The following ANKRD18A variants were observed in gnomAD, a reference collection of about 807,000 sequenced individuals.
The protein encoded by ANKRD18A is ankyrin repeat domain 18A, also known as ankyrin repeat domain-containing protein 18A.
ANKRD18A carries 72 observed loss-of-function variants against 110.6 expected under a neutral mutation model. The observed-to-expected ratio is 0.65, with a 90% confidence interval of 0.54 to 0.79. The LOEUF (loss-of-function observed/expected upper bound fraction) is 0.79. Among genes scored for constraint, ANKRD18A ranks in the 30% least tolerant of loss-of-function variants. The probability of loss-of-function intolerance (pLI) is 0.00; values close to 1 mark genes in which losing one functional copy is unlikely to be tolerated. For missense variants in ANKRD18A, 934 were observed against 1,163.3 expected (o/e 0.80, Z 2.87); for synonymous variants, 305 against 410.3 (o/e 0.74, Z 3.10).
chr9:38,614,954 G>A (rs1211470905), intron 3 of ANKRD18A, among the ~76,000 whole-genome samples: 1 of 152,068 alleles, frequency 6.6e-6, no homozygotes, highest in African/African-American at 2.4e-5. Flanking sequence ...TTTCCTCAGA[G>A]TCCTCTAAAA....
At chr9:38,590,875 CTTA>C (rs775038846) in intron 10 of ANKRD18A, among the ~76,000 whole-genome samples, 9 of 152,114 alleles carry the variant, frequency 5.9e-5, no homozygotes, top group Non-Finnish European at 1.0e-4. Context: ...AAAGCTGCCC[CTTA>C]TTATATGTTT....
At chr9:38,570,751 T>G (rs1228774063), downstream of ANKRD18A, among the ~76,000 whole-genome samples, 1 of 152,232 alleles carries the variant, frequency 6.6e-6, no homozygotes, top group East Asian at 1.9e-4. Flanking sequence ...TGGGGGGTTT[T>G]CTTGGGCTGC....
chr9:38,610,523 C>A, intron 4 of ANKRD18A, 113 bp from the exon 5 acceptor site: 2 of 1,382,812 alleles, frequency 1.4e-6, no homozygotes, highest in East Asian at 2.5e-5. Flanking sequence ...GACATAATAA[C>A]CATTTACATG....
At chr9:38,592,228 A>T (rs192932921) in intron 10 of ANKRD18A, among the ~76,000 whole-genome samples, 1 of 152,240 alleles carries the variant, frequency 6.6e-6, no homozygotes, top group East Asian at 1.9e-4. Flanking sequence ...GGTAGGGTAT[A>T]TTTTGTTCTA....
intron 1 of ANKRD18A, among the ~76,000 whole-genome samples, chr9:38,618,031 G>T (rs566436613): frequency 6.6e-6 from 1 of 152,056 alleles, no homozygotes; most frequent in Non-Finnish European, 1.5e-5. Context: ...ACATAATAAA[G>T]TATATACATA....
chr9:38,597,846 A>G (rs1466083342), intron 8 of ANKRD18A, among the ~76,000 whole-genome samples: 2 of 152,192 alleles, frequency 1.3e-5, no homozygotes, highest in Admixed American at 6.5e-5. Context: ...CGCTACTTAT[A>G]TGATAAAATC....
Position 38,595,935 on chromosome 9 carries a change from T to C in ANKRD18A, c.1405A>G (p.Asn469Asp), listed in dbSNP as rs958538006. ...GSNISQLTDK[N>D]ELLTEQVHKA... is the part of the protein sequence containing the mutation. ...TGGACCTGTTCAGTAAGCAACTCAT[T>C]CTTATCTGTTAGTTGAGAAATATTA... The change falls in exon 9 of 16, where the codon AAT (asparagine) becomes GAT (aspartate). Residue 469 changes from asparagine to aspartate, a missense_variant. Coordinates refer to ENST00000399703, the MANE Select transcript of ANKRD18A (RefSeq NM_147195.4). The C allele has an allele frequency of 4.5e-6, 7 of 1,550,758 alleles. No homozygotes were observed. In the African/African-American group the frequency reaches 9.6e-5, roughly 21 times the overall value.
At chr9:38,582,479 A>T (rs1476101216) in intron 12 of ANKRD18A, among the ~76,000 whole-genome samples, 1 of 152,228 alleles carries the variant, frequency 6.6e-6, no homozygotes, top group Non-Finnish European at 1.5e-5. Flanking sequence ...CAGTAAATTC[A>T]ATTTGGTCCT....
intron 10 of ANKRD18A, among the ~76,000 whole-genome samples, chr9:38,590,177 C>T (rs1166757167): frequency 6.8e-6 from 1 of 147,804 alleles, no homozygotes; most frequent in East Asian, 2.0e-4. Context: ...TTCCTTCTTT[C>T]TCTCTTTCTT....
chr9:38,570,457 G>A (rs546433728), downstream of ANKRD18A, among the ~76,000 whole-genome samples: 8 of 152,096 alleles, frequency 5.3e-5, no homozygotes, highest in South Asian at 2.1e-4. Flanking sequence ...TGTTCCAACC[G>A]ATCAGGCCCC....
intron 10 of ANKRD18A, among the ~76,000 whole-genome samples, chr9:38,590,961 T>C (rs1297524941): frequency 1.3e-5 from 2 of 152,098 alleles, no homozygotes; most frequent in Non-Finnish European, 2.9e-5. Context: ...TGGGAATCTA[T>C]ACAAAACGTT....
chr9:38,599,549 C>T (rs1825033762), intron 8 of ANKRD18A, among the ~76,000 whole-genome samples: 1 of 152,006 alleles, frequency 6.6e-6, no homozygotes, highest in Non-Finnish European at 1.5e-5. Flanking sequence ...AACACAACCT[C>T]TGCCTCTCAG....
Position 38,577,136 on chromosome 9 carries a change from C to A in ANKRD18A, c.2658G>T (p.Glu886Asp), listed in dbSNP as rs1417807239. ...KFSKMKTAYE[E>D]VTTELEEFKE... ...TAAATTCTTCTAATTCAGTTGTAAC[C>A]TCTTCATAAGCAGTTTTCATTTTGG... The change falls in exon 14 of 16, where the codon GAG becomes GAT. Residue 886 changes from glutamate to aspartate, a missense_variant. By Grantham distance (45) the Glu-to-Asp change is conservative. Transcript: ENST00000399703. The A allele has an allele frequency of 4.5e-6, 7 of 1,549,454 alleles. No homozygotes were observed. In the Admixed American group the frequency reaches 1.4e-4, roughly 30 times the overall value.
At chr9:38,581,067 T>C (rs1824140812) in intron 12 of ANKRD18A, among the ~76,000 whole-genome samples, 1 of 152,232 alleles carries the variant, frequency 6.6e-6, no homozygotes, top group Non-Finnish European at 1.5e-5. Context: ...AGACAAGCTG[T>C]CCTGGCCAAT....
chr9:38,570,330 T>C (rs4008159), downstream of ANKRD18A, among the ~76,000 whole-genome samples: 2 of 152,154 alleles, frequency 1.3e-5, no homozygotes, highest in African/African-American at 2.4e-5. Context: ...AGTCCCCAGC[T>C]GACTGAGCCC....
At position 38,620,155 on chromosome 9, in the gene ANKRD18A, T is replaced by C. The variant is rs755659833; in HGVS notation, c.131A>G (p.Lys44Arg). 15 of 1,569,162 alleles carry C rather than the reference T, an allele frequency of 9.6e-6. No homozygotes were observed. Among genetic ancestry groups the C allele is most frequent in the Non-Finnish European group, 1.2e-5 (14 of 1,157,204 alleles). Residue 44 changes from lysine to arginine, a missense_variant, in exon 1 of 16, where the codon AAG becomes AGG. Transcript: ENST00000399703. ...GCGCTCCACCTCCGCGGCGTCGCCCTTGATGGCAGCCCTGTGGATCTTCCG... is the reference window on the plus strand; with the variant it reads ...GCGCTCCACCTCCGCGGCGTCGCCCCTGATGGCAGCCCTGTGGATCTTCCG... ...ELRKIHRAAI[K>R]GDAAEVERCL...
downstream of ANKRD18A, chr9:38,569,471 T>C (rs1433212047): frequency 2.1e-6 from 2 of 970,268 alleles, no homozygotes; most frequent in Non-Finnish European, 1.2e-6. Context: ...GCAGAGCCAC[T>C]CACAGAGACT....
At chr9:38,597,833 T>C in intron 8 of ANKRD18A, among the ~76,000 whole-genome samples, 1 of 152,156 alleles carries the variant, frequency 6.6e-6, no homozygotes, top group Non-Finnish European at 1.5e-5. Flanking sequence ...GGCTGAGGAG[T>C]TACGCTACTT....
At chr9:38,576,159 T>C (rs1057254998) in intron 14 of ANKRD18A, among the ~76,000 whole-genome samples, 8 of 152,250 alleles carry the variant, frequency 5.3e-5, no homozygotes, top group Non-Finnish European at 1.2e-4. Context: ...TAATGTAGAT[T>C]AAGAAAACTA....
Sources: gnomAD v4.1 joint callset for allele counts (sites outside exome capture counted in the v4.1 genomes callset) on GRCh38, gnomAD v4.1.1 for gene constraint, MANE v1.5 for transcripts, NCBI Gene and HGNC (gene_info 2026-07-23, HGNC 2026-07-21) for gene names.